The following ARHGAP15 variants were observed in gnomAD, a reference collection of about 807,000 sequenced individuals.
ARHGAP15 encodes rho GTPase-activating protein 15.
In ARHGAP15, 51 loss-of-function variants were observed where a neutral mutation model predicts 63.7. The ratio of observed to expected loss-of-function variants is 0.80; its 90% CI spans 0.64 to 1.01. The LOEUF (loss-of-function observed/expected upper bound fraction) is 1.01. Ranked by LOEUF, ARHGAP15 falls within the 50% of genes least tolerant of loss-of-function variation. ARHGAP15 has a pLI of 0.00. For missense variants in ARHGAP15, 560 were observed against 564.6 expected, an observed-to-expected ratio of 0.99 and a Z score of 0.08; for synonymous variants, 191 against 193.8, an observed-to-expected ratio of 0.99 and a Z score of 0.12.
At chr2:143,761,104 T>C (rs1686745812) in intron 13 of ARHGAP15, among the ~76,000 whole-genome samples, 1 of 152,156 alleles carries the variant, frequency 6.6e-6, no homozygotes, top group African/African-American at 2.4e-5. Flanking sequence ...TAGATAGCAG[T>C]ACAGTTTGTG....
At chr2:143,408,000 T>TAC (rs1688279097) in intron 6 of ARHGAP15, among the ~76,000 whole-genome samples, 1 of 68,136 alleles carries the variant, frequency 1.5e-5, no homozygotes, top group Non-Finnish European at 2.8e-5. Flanking sequence ...TATATATATA[T>TAC]ATATATATAT....
intron 13 of ARHGAP15, among the ~76,000 whole-genome samples, chr2:143,757,796 T>G (rs1424735548): frequency 2.0e-5 from 3 of 152,114 alleles, no homozygotes; most frequent in Non-Finnish European, 2.9e-5. Flanking sequence ...AAAACAAGAC[T>G]TTGATAATAG....
chr2:143,478,654 G>C (rs535365676), intron 8 of ARHGAP15, among the ~76,000 whole-genome samples: 24 of 152,240 alleles, frequency 1.6e-4, no homozygotes, highest in Non-Finnish European at 1.5e-4. Context: ...AGATCAATGT[G>C]CTTAGTAAAT....
intron 11 of ARHGAP15, among the ~76,000 whole-genome samples, chr2:143,570,551 G>C (rs532869705): frequency 1.3e-5 from 2 of 152,304 alleles, no homozygotes; most frequent in Admixed American, 6.5e-5. Flanking sequence ...ATTCCATCCA[G>C]AGTTGGACCA....
rs191777987 is a variant in ARHGAP15, at chr2:143,267,252, A to G, written c.474+16652A>G. Among the ~76,000 whole-genome samples, 28 of 152,302 alleles carry G rather than the reference A, an allele frequency of 1.8e-4. No homozygotes were observed. In the East Asian group the frequency reaches 5.4e-3, roughly 29 times the overall value. On this transcript the variant is annotated intron_variant, in intron 6 of 13. Transcript: ENST00000295095. The stretch of plus-strand genomic sequence containing the variant: ...GCCATAGTTGTTGTTGCTGTTGTTT[A>G]AATGAGGCAAACTTTGATAAAGCCA...
At chr2:143,707,047 C>A (rs1684358760) in intron 13 of ARHGAP15, among the ~76,000 whole-genome samples, 1 of 152,044 alleles carries the variant, frequency 6.6e-6, no homozygotes, top group African/African-American at 2.4e-5. Flanking sequence ...TGGTTGAGAG[C>A]CAGTAAAGGG....
In ARHGAP15 at chr2:143,481,862, T is replaced by TC. The variant is rs547773877; in HGVS notation, c.704-5507dup. On this transcript the variant is annotated intron_variant, in intron 8 of 13. Transcript: ENST00000295095. ...ATCTTAGAAAGCCCAGAATTCTAAC[T>TC]CCCCTCTGGTGAGAGCAGTTTTAGC... Among the ~76,000 whole-genome samples the TC allele has an allele frequency of 2.6e-5, 4 of 152,268 alleles. No homozygotes were observed. In the South Asian group the frequency reaches 8.3e-4, roughly 32 times the overall value.
At chr2:143,694,088 T>A (rs542462470) in intron 12 of ARHGAP15, among the ~76,000 whole-genome samples, 1 of 152,330 alleles carries the variant, frequency 6.6e-6, no homozygotes, top group South Asian at 2.1e-4. Context: ...GGAAAGTTTC[T>A]TAACTATAAT....
chr2:143,387,909 G>GCACACACACACATACACGCATGCCTGCA (rs1687366976), intron 6 of ARHGAP15, among the ~76,000 whole-genome samples: 1 of 149,400 alleles, frequency 6.7e-6, no homozygotes, highest in Non-Finnish European at 1.5e-5. Flanking sequence ...ACGCATGCCT[G>GCACACACACACATACACGCATGCCTGCA]CACACACACA....
At position 143,183,517 on chromosome 2, in the gene ARHGAP15, A is replaced by G. The variant is rs146449210; in HGVS notation, c.166-18617A>G. 2.0e-5 allele frequency among the ~76,000 whole-genome samples: 3 copies of G among 152,260 alleles called. No homozygotes were observed. The East Asian group carries it at 5.8e-4, about 29-fold the overall frequency. ...CAATTTTTTTTGTACTGATTCAAAC[A>G]TATCTTTTAAAAATGATTAAGTATA... On this transcript the variant is annotated intron_variant, in intron 2 of 13. Coordinates refer to ENST00000295095, the MANE Select transcript of ARHGAP15 (RefSeq NM_018460.4).
At chr2:143,550,493 A>G (rs932790617) in intron 10 of ARHGAP15, among the ~76,000 whole-genome samples, 3 of 152,232 alleles carry the variant, frequency 2.0e-5, no homozygotes, top group Admixed American at 1.3e-4. Flanking sequence ...ATCACCAGCC[A>G]CGTGTGGTTA....
At chr2:143,153,855 C>CTCT (rs1689963779) in intron 1 of ARHGAP15, among the ~76,000 whole-genome samples, 3 of 76,966 alleles carry the variant, frequency 3.9e-5, no homozygotes, top group Non-Finnish European at 9.1e-5. Context: ...CCTCCTCCTC[C>CTCT]TCCTCCTCCT....
chr2:143,472,352 C>T (rs1343591084), intron 8 of ARHGAP15, among the ~76,000 whole-genome samples: 1 of 151,930 alleles, frequency 6.6e-6, no homozygotes, highest in Non-Finnish European at 1.5e-5. Context: ...TTTATACTAC[C>T]AGTACATTTA....
At position 143,346,835 on chromosome 2, in the gene ARHGAP15, T is replaced by C. The variant is rs144280564; in HGVS notation, c.475-88766T>C. Among the ~76,000 whole-genome samples, 275 of 152,106 alleles carry C rather than the reference T, an allele frequency of 1.8e-3. 2 individuals carry two copies. The highest frequency in any genetic ancestry group is 6.6e-3 in the African/African-American group (272 of 41,482). ...GACTGAAAGAGATAAATTAAATGGG[T>C]AGAAATATTTTCAAATCAAAGACCA... On this transcript the variant is annotated intron_variant, in intron 6 of 13. Coordinates refer to ENST00000295095, the MANE Select transcript of ARHGAP15 (RefSeq NM_018460.4).
At chr2:143,662,248 G>C (rs1219594033) in intron 12 of ARHGAP15, among the ~76,000 whole-genome samples, 1 of 151,756 alleles carries the variant, frequency 6.6e-6, no homozygotes, top group South Asian at 2.1e-4. Flanking sequence ...CCTCAAGTGG[G>C]TCCCTGACCC....
At chr2:143,655,170 T>G (rs1218311191) in intron 12 of ARHGAP15, among the ~76,000 whole-genome samples, 1 of 152,152 alleles carries the variant, frequency 6.6e-6, no homozygotes, top group Admixed American at 6.5e-5. Flanking sequence ...CAGGTGGTAT[T>G]TGGTTACATG....
At chr2:143,767,933 G>A (rs1447002905) in intron 13 of ARHGAP15, 56 bp from the exon 14 acceptor site, 2 of 1,527,370 alleles carry the variant, frequency 1.3e-6, no homozygotes, top group Non-Finnish European at 8.9e-7. Flanking sequence ...CTCCAAAGTA[G>A]CCATAACTTC....
chr2:143,249,861 A>G (rs1448801709), intron 5 of ARHGAP15, among the ~76,000 whole-genome samples: 1 of 152,148 alleles, frequency 6.6e-6, no homozygotes, highest in African/African-American at 2.4e-5. Context: ...AAATTTACCA[A>G]ATGAAATTAT....
intron 6 of ARHGAP15, among the ~76,000 whole-genome samples, chr2:143,342,801 C>T (rs1252903290): frequency 6.6e-6 from 1 of 151,946 alleles, no homozygotes; most frequent in Non-Finnish European, 1.5e-5. Flanking sequence ...CACTAGATAC[C>T]TTTTCTTAAA....
Sources: allele counts gnomAD v4.1 joint callset (sites outside exome capture counted in the v4.1 genomes callset), GRCh38; gene constraint gnomAD v4.1.1; transcripts MANE v1.5; gene names NCBI Gene and HGNC (gene_info 2026-07-23, HGNC 2026-07-21).